CACNA1H: variants seen among roughly 807,000 people sequenced by gnomAD.
CACNA1H encodes voltage-dependent T-type calcium channel subunit alpha-1H.
CACNA1H carries 149 observed loss-of-function variants against 192.5 expected under a neutral mutation model. The observed-to-expected ratio is 0.77, with a 90% CI of 0.68 to 0.89. CACNA1H has a LOEUF of 0.89. CACNA1H is among the 40% of genes least tolerant of loss of function. The pLI, the probability that CACNA1H is intolerant of heterozygous loss-of-function variation, is 0.00. For synonymous variants in CACNA1H, 2,202 were observed against 1,475.2 expected (o/e 1.49, Z -11.29); for missense variants, 4,257 against 3,423.5 (o/e 1.24, Z -6.08).
intron 9 of CACNA1H, 121 bp from the exon 10 acceptor site, chr16:1,203,889 C>G: frequency 1.4e-6 from 1 of 695,628 alleles, no homozygotes; most frequent in Non-Finnish European, 2.4e-6. Context: ...GGAGGTTGGA[C>G]TCTGGATGGA....
Position 1,220,575 on chromosome 16 carries a change from A to G in CACNA1H, c.6643A>G (p.Thr2215Ala), listed in dbSNP as rs773919926. The G allele has an allele frequency of 2.6e-6, 4 of 1,539,704 alleles. No homozygotes were observed. The Admixed American group carries it at 8.7e-5, about 33-fold the overall frequency. ...RPSAAEGGST[T>A]LRRRTPSCEA... Reference sequence around the variant, plus strand: ...CTCCGCGGCAGAGGGCGGCAGCACCACACTGAGGCGCAGGACCCCGTCCTG... The same window carrying G: ...CTCCGCGGCAGAGGGCGGCAGCACCGCACTGAGGCGCAGGACCCCGTCCTG... The change falls in exon 35 of 35, where the codon ACA becomes GCA. Residue 2215 changes from threonine (T) to alanine (A), a missense_variant. Coordinates refer to ENST00000348261, the MANE Select transcript of CACNA1H (RefSeq NM_021098.3).
At chr16:1,171,799 A>G (rs1238939804) in intron 2 of CACNA1H, among the ~76,000 whole-genome samples, 1 of 151,498 alleles carries the variant, frequency 6.6e-6, no homozygotes, top group Non-Finnish European at 1.5e-5. Flanking sequence ...GGCAGACACT[A>G]CCCCCAACTC....
In CACNA1H at chr16:1,220,701, C is replaced by G. The variant is rs770202267; in HGVS notation, c.6769C>G (p.Arg2257Gly). 1 of 1,611,404 alleles carries G rather than the reference C, an allele frequency of 6.2e-7. No individual in the cohort carries two copies. The highest frequency in any genetic ancestry group is 8.5e-7 in the Non-Finnish European group (1 of 1,179,368). The change falls in exon 35 of 35, where the codon CGG becomes GGG. Residue 2257 changes from arginine (R) to glycine (G), a missense_variant. By Grantham distance (125) the Arg-to-Gly change is moderately radical. Coordinates refer to ENST00000348261, the MANE Select transcript of CACNA1H (RefSeq NM_021098.3). ...KGERWGQASC[R>G]AEHLTVPSFA... ...GGAGCGCTGGGGCCAGGCCTCCTGC[C>G]GGGCTGAGCACCTGACCGTCCCCAG...
chr16:1,186,332 G>A (rs889264183), intron 2 of CACNA1H, among the ~76,000 whole-genome samples: 1 of 152,012 alleles, frequency 6.6e-6, no homozygotes, highest in Admixed American at 6.5e-5. Context: ...GAGCCCTGAA[G>A]GCAGGGGTCC....
chr16:1,197,250 G>A (rs1445499793), intron 5 of CACNA1H, among the ~76,000 whole-genome samples: 1 of 152,222 alleles, frequency 6.6e-6, no homozygotes, highest in African/African-American at 2.4e-5. Context: ...TGCAGTACAG[G>A]AGTAACCATG....
At position 1,167,408 on chromosome 16, in the gene CACNA1H, C is replaced by T. The variant is rs1019562675; in HGVS notation, c.299+13372C>T. Among the ~76,000 whole-genome samples, 5 of 152,306 alleles carry T rather than the reference C, an allele frequency of 3.3e-5. No homozygotes were observed. The highest frequency in any genetic ancestry group is 1.3e-4 in the Admixed American group (2 of 15,310). Reference sequence around the variant, plus strand: ...GAATCTGGCGTGTGTGTTTGCACGGCATCCATCCCTCCATCCGTCCTCTGG... The same window carrying T: ...GAATCTGGCGTGTGTGTTTGCACGGTATCCATCCCTCCATCCGTCCTCTGG... On this transcript the variant is annotated intron_variant, in intron 2 of 34. Transcript: ENST00000348261. The surrounding 1 kb of genome is among the most constrained non-coding windows in gnomAD (Gnocchi z 4.2).
intron 34 of CACNA1H, 105 bp from the exon 35 acceptor site, chr16:1,219,876 A>G (rs1295862849): frequency 3.5e-6 from 3 of 861,872 alleles, no homozygotes; most frequent in Non-Finnish European, 3.1e-6. Flanking sequence ...GGACCTGCCC[A>G]GTTTGGCCTC....
At chr16:1,211,367 C>T in intron 22 of CACNA1H, 73 bp downstream of exon 22, 1 of 1,607,224 alleles carries the variant, frequency 6.2e-7, no homozygotes, top group East Asian at 2.2e-5. Context: ...TGGCTCCCAG[C>T]AGCGCCGCTG....
At chr16:1,168,192 A>ACC (rs1567445771) in intron 2 of CACNA1H, among the ~76,000 whole-genome samples, 2 of 149,090 alleles carry the variant, frequency 1.3e-5, no homozygotes, top group South Asian at 4.2e-4. Flanking sequence ...TTGATGTGGG[A>ACC]TCCCCCCCCC....
At position 1,218,587 on chromosome 16, in the gene CACNA1H, G is replaced by A. The variant is rs377279064; in HGVS notation, c.5823G>A (p.Ser1941=). Residue 1941 remains serine, a synonymous_variant, in exon 33 of 35, where the codon TCG becomes TCA. Coordinates refer to ENST00000348261, the MANE Select transcript of CACNA1H (RefSeq NM_021098.3). ...TGTTCAGGCCCGTGGTGCCTGCCTC[G>A]GCGCCCCACCCCCGCCCGCTGCAGG... is the stretch of plus-strand genomic sequence containing the variant. ...SYMFRPVVPA[S]APHPRPLQEV... 2.9e-5 allele frequency: 46 copies of A among 1,565,672 alleles called. No individual in the cohort carries two copies. The highest frequency in any genetic ancestry group is 2.0e-4 in the African/African-American group (15 of 73,986).
At chr16:1,190,627 C>T (rs999327941) in intron 2 of CACNA1H, among the ~76,000 whole-genome samples, 1 of 152,252 alleles carries the variant, frequency 6.6e-6, no homozygotes, top group African/African-American at 2.4e-5. Flanking sequence ...GTCACGTCCT[C>T]TGTCGTGAGA....
intron 2 of CACNA1H, among the ~76,000 whole-genome samples, chr16:1,165,849 G>C (rs1963711049): frequency 6.6e-6 from 1 of 152,364 alleles, no homozygotes; most frequent in African/African-American, 2.4e-5. Context: ...GCTGGGAGCT[G>C]GTTCCTCTGC....
At chr16:1,216,614 G>A (rs571721870) in intron 30 of CACNA1H, among the ~76,000 whole-genome samples, 1 of 152,382 alleles carries the variant, frequency 6.6e-6, no homozygotes, top group South Asian at 2.1e-4. Flanking sequence ...AACCTGCTGG[G>A]CAGAGTGTGG....
chr16:1,155,928 G>T (rs1047257580), intron 2 of CACNA1H, among the ~76,000 whole-genome samples: 2 of 152,130 alleles, frequency 1.3e-5, no homozygotes, highest in Admixed American at 1.3e-4. Flanking sequence ...TGGGCTTTGT[G>T]ACCTGACAGG....
chr16:1,197,618 C>A (rs1328733702), intron 5 of CACNA1H, among the ~76,000 whole-genome samples: 1 of 152,214 alleles, frequency 6.6e-6, no homozygotes, highest in Non-Finnish European at 1.5e-5. Flanking sequence ...CATCTGTGAT[C>A]TTTGAGGCGG....
In CACNA1H at chr16:1,153,406, G is replaced by C. The variant is rs1204805066; in HGVS notation, c.-83G>C. On this transcript the variant is annotated 5_prime_UTR_variant, in exon 1 of 35. Transcript: ENST00000348261. Reference sequence around the variant, plus strand: ...CCGGGGCCGGGGCCGGGCGCCGAGCGGGGTCCGCGGTGACCGCGCCGCCCG... The same window carrying C: ...CCGGGGCCGGGGCCGGGCGCCGAGCCGGGTCCGCGGTGACCGCGCCGCCCG... The C allele has an allele frequency of 1.4e-5, 2 of 145,740 alleles. No individual in the cohort carries two copies. The highest frequency in any genetic ancestry group is 5.0e-5 in the African/African-American group (2 of 40,186). The allele number at this position is 145,740 out of a possible 1,614,324, so 9.0% of individuals were successfully genotyped here. A position where few individuals can be genotyped will look rare whatever the true frequency, so the allele number is the denominator to read the frequency against.
chr16:1,207,231 T>C, intron 13 of CACNA1H, 44 bp from the exon 14 acceptor site: 5 of 1,568,650 alleles, frequency 3.2e-6, no homozygotes, highest in South Asian at 1.2e-5. Context: ...TTGCCGGCAT[T>C]TCGGGGCTGG....
intron 2 of CACNA1H, among the ~76,000 whole-genome samples, chr16:1,169,236 C>T (rs915574908): frequency 5.3e-5 from 8 of 152,118 alleles, no homozygotes; most frequent in Non-Finnish European, 1.0e-4. Flanking sequence ...CGTGGACGGG[C>T]TTCCTTTGCC....
At chr16:1,195,329 G>T (rs1288554531) in intron 3 of CACNA1H, 103 bp from the exon 4 acceptor site, 74 of 1,457,722 alleles carry the variant, frequency 5.1e-5, no homozygotes, top group Non-Finnish European at 6.7e-5. Flanking sequence ...GGCGGGGCGA[G>T]GGGTGTGGCA....
Sources: allele counts gnomAD v4.1 joint callset (sites outside exome capture counted in the v4.1 genomes callset), GRCh38; gene constraint gnomAD v4.1.1; non-coding constraint Gnocchi (gnomAD v3.1); transcripts MANE v1.5; gene names NCBI Gene and HGNC (gene_info 2026-07-23, HGNC 2026-07-21).